SLC6A11: variants seen among roughly 807,000 people sequenced by gnomAD.
SLC6A11 encodes sodium- and chloride-dependent GABA transporter 3.
In SLC6A11, 25 loss-of-function variants were observed where a neutral mutation model predicts 74.8. That is an observed-to-expected ratio of 0.33 (90% CI 0.24 to 0.47). The LOEUF (loss-of-function observed/expected upper bound fraction) is 0.47. Among genes scored for constraint, SLC6A11 ranks in the 20% least tolerant of loss-of-function variants. The pLI is 1.00. For synonymous variants in SLC6A11, 330 were observed against 330.2 expected (o/e 1.00, Z 0.01); for missense variants, 574 against 837.0 (o/e 0.69, Z 3.88).
At chr3:10,849,447 T>C (rs1694544713) in intron 5 of SLC6A11, among the ~76,000 whole-genome samples, 1 of 152,212 alleles carries the variant, frequency 6.6e-6, no homozygotes, top group Non-Finnish European at 1.5e-5. Context: ...CACTCAGCCA[T>C]GTTGGATACC....
At chr3:10,829,662 C>T (rs1694267832) in intron 4 of SLC6A11, among the ~76,000 whole-genome samples, 1 of 152,180 alleles carries the variant, frequency 6.6e-6, no homozygotes, top group South Asian at 2.1e-4. Context: ...TCTGCCTGCT[C>T]CTCTGAATAT....
intron 6 of SLC6A11, among the ~76,000 whole-genome samples, chr3:10,893,685 C>T (rs971214595): frequency 2.0e-5 from 3 of 152,174 alleles, no homozygotes; most frequent in African/African-American, 4.8e-5. Context: ...CCAGTTCCCA[C>T]TGTGGGACGA....
chr3:10,873,578 C>CCCTACCCTACCCTACCCTAA lies in SLC6A11; in HGVS notation c.757-1378_757-1377insCCTACCCTACCCTAACCTAC, dbSNP rs1559566914. Among the ~76,000 whole-genome samples the CCCTACCCTACCCTACCCTAA allele has an allele frequency of 7.4e-4, 85 of 115,340 alleles. 1 individual carries two copies. Among genetic ancestry groups the CCCTACCCTACCCTACCCTAA allele is most frequent in the African/African-American group, 3.0e-3 (80 of 26,514 alleles). The allele number at this position is 115,340 out of a possible 152,430, so 75.7% of individuals were successfully genotyped here. On this transcript the variant is annotated intron_variant, in intron 5 of 13. Transcript: ENST00000254488. ...CCCTACCCTACCCTACCCTACCCTA[C>CCCTACCCTACCCTACCCTAA]CCTACGCTATCCTATCCTATCCTAT...
intron 6 of SLC6A11, among the ~76,000 whole-genome samples, chr3:10,886,342 T>A (rs1695042220): frequency 6.6e-6 from 1 of 152,218 alleles, no homozygotes; most frequent in Non-Finnish European, 1.5e-5. Flanking sequence ...AGGAGCCCTC[T>A]GTGGCCTGGT....
chr3:10,824,051 T>C (rs1190431962), intron 4 of SLC6A11: 1 of 153,018 alleles, frequency 6.5e-6, no homozygotes, highest in East Asian at 1.9e-4. Flanking sequence ...GGCATAGTTT[T>C]ATCAGAGTTC....
chr3:10,925,911 C>A, intron 8 of SLC6A11, 93 bp from the exon 9 acceptor site: 1 of 729,350 alleles, frequency 1.4e-6, no homozygotes, highest in Non-Finnish European at 2.4e-6. Flanking sequence ...GTGCCTGGCG[C>A]AGAGGAGGCA....
rs1027973152 is a variant in SLC6A11, at chr3:10,939,354, T to C, written c.*952T>C. On this transcript the variant is annotated 3_prime_UTR_variant, in exon 14 of 14. Coordinates refer to ENST00000254488, the MANE Select transcript of SLC6A11 (RefSeq NM_014229.3). The stretch of plus-strand genomic sequence containing the variant: ...GCCTTTTTTTCCTGGTCAGCTGCTC[T>C]TAGCGCCGGCTCTGCCTCTCCACCC... The C allele has an allele frequency of 1.3e-5, 2 of 152,240 alleles. No homozygotes were observed. Among genetic ancestry groups the C allele is most frequent in the Non-Finnish European group, 2.9e-5 (2 of 68,110 alleles). 9.4% of individuals were successfully genotyped at this position (152,240 alleles called of 1,614,324 possible).
intron 13 of SLC6A11, among the ~76,000 whole-genome samples, chr3:10,936,931 G>A (rs1281920815): frequency 6.6e-6 from 1 of 152,102 alleles, no homozygotes; most frequent in African/African-American, 2.4e-5. Flanking sequence ...TGGACAGCAG[G>A]GTTTATTAAA....
chr3:10,893,459 C>T (rs775564935), intron 6 of SLC6A11, among the ~76,000 whole-genome samples: 17 of 152,048 alleles, frequency 1.1e-4, no homozygotes, highest in Non-Finnish European at 2.1e-4. Context: ...TTTGAGGGGA[C>T]GTCAAGGAGG....
At chr3:10,894,953 T>G (rs184029618) in intron 6 of SLC6A11, among the ~76,000 whole-genome samples, 19 of 152,358 alleles carry the variant, frequency 1.2e-4, no homozygotes, top group Non-Finnish European at 2.2e-4. Context: ...TTGGAGCATA[T>G]TTTTTAAAAA....
At position 10,906,406 on chromosome 3, in the gene SLC6A11, G is replaced by A. The variant is rs114860402; in HGVS notation, c.892-5684G>A. 5.5e-3 allele frequency among the ~76,000 whole-genome samples: 832 copies of A among 152,348 alleles called. 15 individuals carry two copies. The highest frequency in any genetic ancestry group is 0.019 in the African/African-American group (798 of 41,572). ...TAGATGGGGCCAGATGCCAACAGCA[G>A]TGACATCTGCATGATGTCAGTTCTG... On this transcript the variant is annotated intron_variant, in intron 6 of 13. Coordinates refer to ENST00000254488, the MANE Select transcript of SLC6A11 (RefSeq NM_014229.3).
chr3:10,923,158 T>G lies in SLC6A11; in HGVS notation c.1121-2846T>G, dbSNP rs116284732. Reference sequence around the variant, plus strand: ...ATAAATATACATATATTTCCTATCTTTGTGTGCTGAGAGGGCCTAAAAGCA... The same window carrying G: ...ATAAATATACATATATTTCCTATCTGTGTGTGCTGAGAGGGCCTAAAAGCA... On this transcript the variant is annotated intron_variant, in intron 8 of 13. Transcript: ENST00000254488. 4.6e-3 allele frequency among the ~76,000 whole-genome samples: 698 copies of G among 152,122 alleles called. 4 individuals carry two copies. The highest frequency in any genetic ancestry group is 0.016 in the African/African-American group (655 of 41,520).
chr3:10,890,143 T>C (rs76601118), intron 6 of SLC6A11, among the ~76,000 whole-genome samples: 1,810 of 150,764 alleles, frequency 0.012, 84 homozygotes, highest in South Asian at 0.11. Context: ...ACATAGAACA[T>C]GTCTATCATC....
At position 10,935,069 on chromosome 3, in the gene SLC6A11, A is replaced by C; in HGVS notation, c.1616A>C (p.Lys539Thr). 1 of 1,613,914 alleles carries C rather than the reference A, an allele frequency of 6.2e-7. No individual in the cohort carries two copies. Among genetic ancestry groups the C allele is most frequent in the Non-Finnish European group, 8.5e-7 (1 of 1,179,964 alleles). The change falls in exon 13 of 14, where the codon AAG becomes ACG. Residue 539 changes from lysine to threonine, a missense_variant. Physicochemically the swap from Lys to Thr is moderately conservative, Grantham distance 78. Coordinates refer to ENST00000254488, the MANE Select transcript of SLC6A11 (RefSeq NM_014229.3). ...TTCTTGATCAAGTACAAGCCACTCA[A>C]GTACAACAACATCTACACCTACCCA... ...IFFLIKYKPL[K>T]YNNIYTYPAW...
intron 6 of SLC6A11, among the ~76,000 whole-genome samples, chr3:10,884,975 C>T (rs554607458): frequency 6.6e-6 from 1 of 152,294 alleles, no homozygotes; most frequent in African/African-American, 2.4e-5. Flanking sequence ...AAGTTAAGTG[C>T]AGCCTGAACA....
At chr3:10,892,408 C>T (rs916644900) in intron 6 of SLC6A11, among the ~76,000 whole-genome samples, 5 of 152,136 alleles carry the variant, frequency 3.3e-5, no homozygotes, top group African/African-American at 9.7e-5. Context: ...TCCTTCATGC[C>T]CCACTGCTCA....
intron 13 of SLC6A11, chr3:10,935,447 A>G: frequency 2.1e-6 from 1 of 485,516 alleles, no homozygotes; most frequent in East Asian, 3.5e-5. Context: ...GGATAACCAC[A>G]GTACCTAACT....
At chr3:10,859,221 A>G (rs538971324) in intron 5 of SLC6A11, among the ~76,000 whole-genome samples, 1 of 152,302 alleles carries the variant, frequency 6.6e-6, no homozygotes, top group South Asian at 2.1e-4. Flanking sequence ...GAGAGAGAGG[A>G]AGAATTTGTG....
intron 4 of SLC6A11, among the ~76,000 whole-genome samples, chr3:10,829,954 TA>T (rs1012901300): frequency 6.6e-6 from 1 of 151,986 alleles, no homozygotes; most frequent in African/African-American, 2.4e-5. Flanking sequence ...TTTTTCTTAG[TA>T]AATACTGGGT....
Sources: allele counts gnomAD v4.1 joint callset (sites outside exome capture counted in the v4.1 genomes callset), GRCh38; gene constraint gnomAD v4.1.1; transcripts MANE v1.5; gene names NCBI Gene and HGNC (gene_info 2026-07-23, HGNC 2026-07-21).